AOAH: variants seen among roughly 807,000 people sequenced by gnomAD.
AOAH encodes the protein acyloxyacyl hydrolase (neutrophil).
In AOAH, 64 loss-of-function variants were observed where a neutral mutation model predicts 92.2. That is an observed-to-expected ratio of 0.69 (90% confidence interval 0.57 to 0.86). The LOEUF (loss-of-function observed/expected upper bound fraction) is 0.86, where lower values mean the gene tolerates loss of function less well. Ranked by LOEUF, AOAH falls within the 40% of genes least tolerant of loss-of-function variation. AOAH has a pLI of 0.00. For synonymous variants in AOAH, 263 were observed against 254.5 expected (o/e 1.03, Z -0.32); for missense variants, 656 against 694.6 (o/e 0.94, Z 0.62).
intron 1 of AOAH, among the ~76,000 whole-genome samples, chr7:36,713,294 T>C (rs1179448587): frequency 7.9e-6 from 1 of 127,036 alleles, no homozygotes; most frequent in Non-Finnish European, 1.7e-5. Context: ...TAAATATATA[T>C]GCACCCAATA....
intron 12 of AOAH, among the ~76,000 whole-genome samples, chr7:36,582,443 T>G (rs1788996276): frequency 6.6e-6 from 1 of 152,192 alleles, no homozygotes; most frequent in African/African-American, 2.4e-5. Flanking sequence ...GCATTTCATG[T>G]GAAAACACAC....
At chr7:36,572,640 G>T (rs928038520) in intron 13 of AOAH, among the ~76,000 whole-genome samples, 3 of 152,170 alleles carry the variant, frequency 2.0e-5, no homozygotes, top group Non-Finnish European at 2.9e-5. Flanking sequence ...GTGGTACCCT[G>T]ATGCTGGACA....
At chr7:36,649,645 C>A in intron 4 of AOAH, among the ~76,000 whole-genome samples, 1 of 152,216 alleles carries the variant, frequency 6.6e-6, no homozygotes, top group Non-Finnish European at 1.5e-5. Context: ...AATGGATACC[C>A]TCTTTGGGTC....
intron 13 of AOAH, among the ~76,000 whole-genome samples, chr7:36,554,409 A>G (rs1206408454): frequency 6.6e-6 from 1 of 152,208 alleles, no homozygotes. Flanking sequence ...GTTTGAAGTC[A>G]GGTAGCATGA....
At chr7:36,625,346 G>C (rs1179284441) in intron 6 of AOAH, among the ~76,000 whole-genome samples, 1 of 152,138 alleles carries the variant, frequency 6.6e-6, no homozygotes, top group Non-Finnish European at 1.5e-5. Context: ...TCACCAGCTC[G>C]GCAATTCTCA....
chr7:36,514,569 C>G, intron 20 of AOAH: 3 of 1,535,758 alleles, frequency 2.0e-6, no homozygotes, highest in Non-Finnish European at 2.6e-6. Context: ...ATTAATATGC[C>G]TTTGAGGAGG....
intron 3 of AOAH, among the ~76,000 whole-genome samples, chr7:36,671,726 G>A (rs1795950002): frequency 6.6e-6 from 1 of 151,940 alleles, no homozygotes; most frequent in Non-Finnish European, 1.5e-5. Flanking sequence ...GGTAGAGGTA[G>A]GGGGTAGAGG....
In AOAH at chr7:36,626,350, A is replaced by G. The variant is rs567550794; in HGVS notation, c.522-3100T>C. ...AGAGTTTGTCCTTGAAAGAAGGAAC[A>G]AAGAGTGGTCTTTAAGATTGGAAAG... is the stretch of plus-strand genomic sequence containing the variant. On this transcript the variant is annotated intron_variant, in intron 6 of 20. Coordinates refer to ENST00000617537, the MANE Select transcript of AOAH (RefSeq NM_001637.4). Among the ~76,000 whole-genome samples the G allele has an allele frequency of 1.7e-3, 265 of 152,374 alleles. 1 individual carries two copies. The highest frequency in any genetic ancestry group is 3.0e-3 in the Non-Finnish European group (204 of 68,036).
chr7:36,573,102 C>T (rs1788245858), intron 13 of AOAH, among the ~76,000 whole-genome samples: 1 of 152,234 alleles, frequency 6.6e-6, no homozygotes, highest in African/African-American at 2.4e-5. Flanking sequence ...AACCAGTCTA[C>T]TTTATACCCC....
At chr7:36,542,021 C>T (rs1785460047) in intron 15 of AOAH, among the ~76,000 whole-genome samples, 1 of 152,072 alleles carries the variant, frequency 6.6e-6, no homozygotes, top group African/African-American at 2.4e-5. Flanking sequence ...AATAGTGTCC[C>T]TAAAAATGTG....
chr7:36,549,367 T>A, intron 14 of AOAH, 72 bp downstream of exon 14: 2 of 1,127,672 alleles, frequency 1.8e-6, no homozygotes, highest in Non-Finnish European at 2.7e-6. Context: ...GATTATGGGG[T>A]AATAACAGAG....
intron 2 of AOAH, among the ~76,000 whole-genome samples, chr7:36,682,924 G>A (rs185185279): frequency 2.0e-5 from 3 of 152,004 alleles, no homozygotes; most frequent in East Asian, 3.9e-4. Flanking sequence ...CAAGGAAACC[G>A]AACAAACACT....
chr7:36,637,872 A>C lies in AOAH; in HGVS notation c.429T>G (p.Ile143Met), dbSNP rs1793630620. 6.2e-7 allele frequency: 1 copy of C among 1,614,102 alleles called. No homozygotes were observed. Residue 143 changes from isoleucine to methionine, a missense_variant, in exon 5 of 21, where the codon ATT (isoleucine) becomes ATG (methionine). Transcript: ENST00000617537. ...WKFTLQKARQIVKKSPILKYS... is the reference protein window; with the variant it reads ...WKFTLQKARQMVKKSPILKYS... The stretch of plus-strand genomic sequence containing the variant: ...TTACCAGAATCGGGGACTTCTTGAC[A>C]ATTTGTCTTGCCTTCTGTAGTGTAA...
rs758649779 is a variant in AOAH at position 36,724,110 on chromosome 7, T to A, written c.39A>T (p.Leu13=). ...AGGACTGAAGAGACAGGAGCAAGAA[T>A]AGAGGCGCCACCGTAAGGATTTTCC... is the stretch of plus-strand genomic sequence containing the variant. The part of the protein sequence containing the change: ...SPWKILTVAP[L]FLLLSLQSSA... The change falls in exon 1 of 21, where the codon CTA becomes CTT. Residue 13 remains leucine, a synonymous_variant. Coordinates refer to ENST00000617537, the MANE Select transcript of AOAH (RefSeq NM_001637.4). 8 of 1,613,608 alleles carry A rather than the reference T, an allele frequency of 5.0e-6. No individual in the cohort carries two copies. Among genetic ancestry groups the A allele is most frequent in the Non-Finnish European group, 6.8e-6 (8 of 1,179,694 alleles).
intron 13 of AOAH, among the ~76,000 whole-genome samples, chr7:36,559,526 G>C (rs1787100142): frequency 6.6e-6 from 1 of 152,032 alleles, no homozygotes; most frequent in Non-Finnish European, 1.5e-5. Context: ...TCATATGCTT[G>C]TTGGCTGCTT....
chr7:36,721,744 T>C (rs59293123), intron 1 of AOAH, among the ~76,000 whole-genome samples: 7 of 152,278 alleles, frequency 4.6e-5, no homozygotes, highest in South Asian at 2.1e-4. Flanking sequence ...CTGTGAATGA[T>C]AGAGATGACC....
At chr7:36,678,832 G>A (rs1012092803) in intron 2 of AOAH, among the ~76,000 whole-genome samples, 1 of 152,140 alleles carries the variant, frequency 6.6e-6, no homozygotes, top group Non-Finnish European at 1.5e-5. Context: ...TCTCCAGAAA[G>A]AGCCAGCTAT....
intron 13 of AOAH, among the ~76,000 whole-genome samples, chr7:36,566,422 G>T (rs1272654347): frequency 1.3e-5 from 2 of 148,754 alleles, no homozygotes; most frequent in Admixed American, 6.8e-5. Context: ...AATGAGGACT[G>T]GCAGAGGGCT....
chr7:36,549,544 C>A, intron 13 of AOAH, 69 bp from the exon 14 acceptor site: 1 of 1,054,630 alleles, frequency 9.5e-7, no homozygotes, highest in South Asian at 1.3e-5. Context: ...ATATGGGAGT[C>A]TGATTGACTG....
Sources: gnomAD v4.1 joint callset for allele counts (sites outside exome capture counted in the v4.1 genomes callset) on GRCh38, gnomAD v4.1.1 for gene constraint, MANE v1.5 for transcripts, NCBI Gene and HGNC (gene_info 2026-07-23, HGNC 2026-07-21) for gene names.